NCOA1: variants seen among roughly 807,000 people sequenced by gnomAD.
NCOA1 encodes Hin-2 protein.
Under a neutral mutation model 150.9 loss-of-function variants are expected in NCOA1, and 35 were observed. The ratio of observed to expected loss-of-function variants is 0.23; its 90% CI spans 0.18 to 0.31. The LOEUF is 0.31. NCOA1 is among the 10% of genes least tolerant of loss of function. NCOA1 has a pLI of 1.00. For missense variants in NCOA1, 1,491 were observed against 1,749.3 expected (o/e 0.85, Z 2.63); for synonymous variants, 590 against 630.0 (o/e 0.94, Z 0.95).
In NCOA1 at chr2:24,707,203, C is replaced by A. The variant is rs1558303432; in HGVS notation, c.1733C>A (p.Ala578Glu). The change falls in exon 13 of 23, where the codon GCA becomes GAA. Residue 578 changes from alanine (A) to glutamate (E), a missense_variant. Ala to Glu is a moderately radical substitution (Grantham distance 107). Transcript: ENST00000348332. ...NSPSRLNIQPAKAESKDNKEI... is the reference protein window; with the variant it reads ...NSPSRLNIQPEKAESKDNKEI... Reference sequence around the variant, plus strand: ...CCTAGCAGATTAAATATACAACCAGCAAAAGCTGAGTCCAAAGATAACAAA... The same window carrying A: ...CCTAGCAGATTAAATATACAACCAGAAAAAGCTGAGTCCAAAGATAACAAA... 5 of 1,614,184 alleles carry A rather than the reference C, an allele frequency of 3.1e-6. No individual in the cohort carries two copies. Among genetic ancestry groups the A allele is most frequent in the Non-Finnish European group, 3.4e-6 (4 of 1,180,036 alleles).
chr2:24,709,906 A>G (rs1673647079), intron 13 of NCOA1, among the ~76,000 whole-genome samples: 1 of 152,146 alleles, frequency 6.6e-6, no homozygotes, highest in African/African-American at 2.4e-5. Flanking sequence ...ATATAATTAA[A>G]TACATATATG....
chr2:24,643,282 C>T lies in NCOA1; in HGVS notation c.-174-684C>T, dbSNP rs180726804. Among the ~76,000 whole-genome samples, 343 of 152,254 alleles carry T rather than the reference C, an allele frequency of 2.3e-3. 5 individuals are homozygous for T. Among genetic ancestry groups the T allele is most frequent in the Non-Finnish European group, 1.8e-3 (123 of 68,002 alleles). On this transcript the variant is annotated intron_variant, in intron 3 of 22. Transcript: ENST00000348332. ...TAAGTGGGAGTACTGGGAAGAGTTCCGAGTTCCCTTCCAGGAGAGTCTCAT... is the reference window on the plus strand; with the variant it reads ...TAAGTGGGAGTACTGGGAAGAGTTCTGAGTTCCCTTCCAGGAGAGTCTCAT...
intron 2 of NCOA1, among the ~76,000 whole-genome samples, chr2:24,580,693 GTA>G (rs1200550436): frequency 6.6e-6 from 1 of 152,104 alleles, no homozygotes; most frequent in African/African-American, 2.4e-5. Context: ...GTTGTTTCAA[GTA>G]TGTCTGTAAT....
intron 1 of NCOA1, among the ~76,000 whole-genome samples, chr2:24,562,129 G>A (rs1666318222): frequency 6.6e-6 from 1 of 152,154 alleles, no homozygotes; most frequent in Non-Finnish European, 1.5e-5. Context: ...ATATGAAAAA[G>A]TCAATGATGG....
chr2:24,604,036 T>C (rs950005096), intron 3 of NCOA1, among the ~76,000 whole-genome samples: 15 of 152,222 alleles, frequency 9.9e-5, no homozygotes, highest in African/African-American at 3.6e-4. Context: ...GAAAACACAT[T>C]AATCTCCTTG....
chr2:24,618,186 G>A (rs1668958009), intron 3 of NCOA1, among the ~76,000 whole-genome samples: 1 of 152,046 alleles, frequency 6.6e-6, no homozygotes, highest in Non-Finnish European at 1.5e-5. Context: ...CAGACAATTT[G>A]GCCTCCCTTT....
At chr2:24,639,740 T>TAG (rs1670093349) in intron 3 of NCOA1, among the ~76,000 whole-genome samples, 1 of 151,070 alleles carries the variant, frequency 6.6e-6, no homozygotes, top group African/African-American at 2.4e-5. Flanking sequence ...TACAAAAAAT[T>TAG]AGCTGGGCAT....
chr2:24,719,697 C>G (rs1044100043), intron 14 of NCOA1, among the ~76,000 whole-genome samples: 2 of 152,066 alleles, frequency 1.3e-5, no homozygotes, highest in South Asian at 2.1e-4. Context: ...AAAGGAAGCC[C>G]AGGAATGACA....
At chr2:24,559,921 G>T (rs571064297) in intron 1 of NCOA1, among the ~76,000 whole-genome samples, 3 of 152,164 alleles carry the variant, frequency 2.0e-5, no homozygotes, top group Non-Finnish European at 4.4e-5. Flanking sequence ...ATTTTTGCCA[G>T]GACCTTTGGT....
rs1663621106 is a variant in NCOA1, at chr2:24,741,901, G to A, written c.3421G>A (p.Gly1141Arg). Residue 1141 changes from glycine (G) to arginine (R), a missense_variant, in exon 19 of 23, where the codon GGG becomes AGG. Gly to Arg is a moderately radical substitution (Grantham distance 125). Around this residue, in one of 8 missense-constraint regions of NCOA1, gnomAD observed 485 missense variants for 522.8 expected, o/e 0.93. Coordinates refer to ENST00000348332, the MANE Select transcript of NCOA1 (RefSeq NM_003743.5). ...RAMLMRQQSF[G>R]NNLPPSSGLP... ...CATGCTTATGAGGCAGCAAAGCTTTGGGAACAACCTCCCTCCCTCATCTGG... is the reference window on the plus strand; with the variant it reads ...CATGCTTATGAGGCAGCAAAGCTTTAGGAACAACCTCCCTCCCTCATCTGG... The A allele has an allele frequency of 1.2e-6, 2 of 1,614,200 alleles. No homozygotes were observed. Among genetic ancestry groups the A allele is most frequent in the East Asian group, 4.5e-5 (2 of 44,884 alleles).
chr2:24,687,678 ATCAGATC>A (rs1432508051), intron 8 of NCOA1, among the ~76,000 whole-genome samples: 8 of 152,140 alleles, frequency 5.3e-5, no homozygotes, highest in Non-Finnish European at 8.8e-5. Context: ...TTATAAAACC[ATCAGATC>A]TCTTGAGAAC....
chr2:24,500,218 C>T (rs1663402004), intron 1 of NCOA1, among the ~76,000 whole-genome samples: 2 of 152,148 alleles, frequency 1.3e-5, no homozygotes, highest in Admixed American at 6.5e-5. Context: ...AAGTGATTCT[C>T]CTGCCTCAGA....
intron 6 of NCOA1, 22 bp from the exon 7 acceptor site, chr2:24,673,344 T>G (rs1204063774): frequency 6.8e-7 from 1 of 1,478,924 alleles, no homozygotes; most frequent in African/African-American, 1.4e-5. Flanking sequence ...ATATGTGATT[T>G]TTTTAAGTTT....
intron 15 of NCOA1, among the ~76,000 whole-genome samples, chr2:24,727,138 CAAAAAAA>C (rs755486331): frequency 9.2e-5 from 4 of 43,264 alleles, no homozygotes; most frequent in African/African-American, 1.8e-4. Flanking sequence ...AACTCTGTCT[CAAAAAAA>C]AAAAAAAAAA....
At chr2:24,701,873 G>A (rs929458438) in intron 11 of NCOA1, among the ~76,000 whole-genome samples, 7 of 152,188 alleles carry the variant, frequency 4.6e-5, no homozygotes, top group Non-Finnish European at 7.3e-5. Flanking sequence ...AGCCAGGCGT[G>A]GTGGCATGAG....
At chr2:24,600,349 G>A (rs982232810) in intron 3 of NCOA1, among the ~76,000 whole-genome samples, 3 of 152,112 alleles carry the variant, frequency 2.0e-5, no homozygotes, top group Admixed American at 6.5e-5. Flanking sequence ...GAGACTACAG[G>A]CATGTGCCAC....
At chr2:24,544,287 G>A (rs1665518634) in intron 1 of NCOA1, among the ~76,000 whole-genome samples, 1 of 152,192 alleles carries the variant, frequency 6.6e-6, no homozygotes, top group Non-Finnish European at 1.5e-5. Context: ...AGTTGGATAA[G>A]TGGGTTTGAA....
At chr2:24,502,684 A>AT (rs949291786) in intron 1 of NCOA1, among the ~76,000 whole-genome samples, 13 of 151,984 alleles carry the variant, frequency 8.6e-5, no homozygotes, top group African/African-American at 3.1e-4. Flanking sequence ...AAAATTGTCA[A>AT]TTTTTTGTCC....
chr2:24,626,209 C>G (rs1365464475), intron 3 of NCOA1, among the ~76,000 whole-genome samples: 4 of 152,062 alleles, frequency 2.6e-5, no homozygotes, highest in Non-Finnish European at 5.9e-5. Flanking sequence ...AATGGGAGAC[C>G]TTGAATGCAA....
Sources: gnomAD v4.1 joint callset for allele counts (sites outside exome capture counted in the v4.1 genomes callset) on GRCh38, gnomAD v4.1.1 for gene constraint, gnomAD v4.1.1 regional missense constraint, MANE v1.5 for transcripts, NCBI Gene and HGNC (gene_info 2026-07-23, HGNC 2026-07-21) for gene names.